The following NEGR1 variants were observed in gnomAD, a reference collection of about 807,000 sequenced individuals.
The protein encoded by NEGR1 is IgLON family member 4.
A neutral mutation model predicts 40.9 loss-of-function variants in NEGR1; 10 were observed. That is an observed-to-expected ratio of 0.24 (90% CI 0.15 to 0.42). The LOEUF (loss-of-function observed/expected upper bound fraction) is 0.42. NEGR1 is among the 10% of genes least tolerant of loss of function. The probability of loss-of-function intolerance (pLI) is 1.00; values close to 1 mark genes in which losing one functional copy is unlikely to be tolerated. For missense variants in NEGR1, 352 were observed against 438.9 expected (o/e 0.80, Z 1.77); for synonymous variants, 185 against 166.8 (o/e 1.11, Z -0.84).
chr1:72,229,597 A>G (rs1654295850), intron 1 of NEGR1, among the ~76,000 whole-genome samples: 1 of 151,014 alleles, frequency 6.6e-6, no homozygotes, highest in Non-Finnish European at 1.5e-5. Context: ...TATACTTAAA[A>G]TAATTGTTAA....
intron 6 of NEGR1, among the ~76,000 whole-genome samples, chr1:71,534,680 C>T (rs185239314): frequency 1.3e-5 from 2 of 151,718 alleles, no homozygotes; most frequent in East Asian, 3.9e-4. Context: ...GAGAATTATT[C>T]CATTTTCCAT....
chr1:72,023,929 G>A (rs1646782790), intron 1 of NEGR1, among the ~76,000 whole-genome samples: 2 of 152,100 alleles, frequency 1.3e-5, no homozygotes, highest in African/African-American at 4.8e-5. Context: ...TATAGACAGA[G>A]GCATAGTGAA....
At chr1:71,732,166 G>A (rs907472657) in intron 3 of NEGR1, among the ~76,000 whole-genome samples, 2 of 152,054 alleles carry the variant, frequency 1.3e-5, no homozygotes, top group African/African-American at 4.8e-5. Context: ...AAATTAGCTG[G>A]ACATGGTGGC....
At position 71,854,758 on chromosome 1, in the gene NEGR1, T is replaced by C. The variant is rs183994555; in HGVS notation, c.410-78461A>G. On this transcript the variant is annotated intron_variant, in intron 2 of 6. Transcript: ENST00000357731. The stretch of plus-strand genomic sequence containing the variant: ...TGAGCAAAGGGGGGAAAGTCCCTTA[T>C]AAAACCATTAGATCTTGTGAGAACT... 1.7e-3 allele frequency among the ~76,000 whole-genome samples: 262 copies of C among 152,128 alleles called. 2 individuals carry two copies. The highest frequency in any genetic ancestry group is 1.6e-3 in the Non-Finnish European group (108 of 67,992).
At chr1:71,694,871 C>G (rs1557616596) in intron 4 of NEGR1, among the ~76,000 whole-genome samples, 1 of 151,668 alleles carries the variant, frequency 6.6e-6, no homozygotes, top group African/African-American at 2.4e-5. Context: ...TCTATGCGCA[C>G]AATCAATATT....
intron 6 of NEGR1, among the ~76,000 whole-genome samples, chr1:71,568,400 G>T (rs2783050): frequency 0.017 from 2,637 of 152,248 alleles, 76 homozygotes; most frequent in African/African-American, 0.06. Flanking sequence ...AACAGGGAGA[G>T]AACTTGGGAA....
chr1:71,580,541 T>C (rs934175215), intron 6 of NEGR1, among the ~76,000 whole-genome samples: 1 of 152,056 alleles, frequency 6.6e-6, no homozygotes, highest in Non-Finnish European at 1.5e-5. Flanking sequence ...AGAGACAAAA[T>C]AAAATCCTAA....
intron 1 of NEGR1, among the ~76,000 whole-genome samples, chr1:72,104,765 T>C (rs1649071889): frequency 6.6e-6 from 1 of 152,152 alleles, no homozygotes; most frequent in African/African-American, 2.4e-5. Context: ...AAAACAACAA[T>C]ACTTTTTTGC....
chr1:72,042,386 G>A (rs574015473), intron 1 of NEGR1, among the ~76,000 whole-genome samples: 1 of 151,974 alleles, frequency 6.6e-6, no homozygotes, highest in South Asian at 2.1e-4. Flanking sequence ...ATGAGGGAAA[G>A]TCAGAAGAAT....
chr1:71,436,493 AC>A (rs1646510838), intron 6 of NEGR1, among the ~76,000 whole-genome samples: 1 of 152,174 alleles, frequency 6.6e-6, no homozygotes, highest in Admixed American at 6.5e-5. Flanking sequence ...TATAATATTA[AC>A]CCTTCCATGA....
intron 5 of NEGR1, among the ~76,000 whole-genome samples, chr1:71,599,617 G>C (rs980083263): frequency 1.3e-5 from 2 of 152,136 alleles, no homozygotes; most frequent in Non-Finnish European, 2.9e-5. Flanking sequence ...ATGCATCACT[G>C]TCTTAGCCCC....
intron 1 of NEGR1, among the ~76,000 whole-genome samples, chr1:72,196,079 G>C (rs180967547): frequency 1.3e-3 from 198 of 152,052 alleles, no homozygotes; most frequent in Non-Finnish European, 2.3e-3. Context: ...ACAATGAAAG[G>C]AGCGTATTGT....
intron 6 of NEGR1, among the ~76,000 whole-genome samples, chr1:71,431,506 A>ATAAT (rs1410792688): frequency 6.7e-6 from 1 of 149,746 alleles, no homozygotes; most frequent in African/African-American, 2.5e-5. Context: ...AAGAGGATCA[A>ATAAT]TATTTATTTA....
intron 1 of NEGR1, among the ~76,000 whole-genome samples, chr1:71,977,811 A>T (rs2100332268): frequency 7.1e-6 from 1 of 141,650 alleles, no homozygotes; most frequent in African/African-American, 2.8e-5. Context: ...AAAGAGACTA[A>T]AGCGCAAAAC....
At chr1:72,063,129 G>A (rs1647203517) in intron 1 of NEGR1, among the ~76,000 whole-genome samples, 1 of 151,826 alleles carries the variant, frequency 6.6e-6, no homozygotes, top group Non-Finnish European at 1.5e-5. Flanking sequence ...TGAAACTGTA[G>A]CAGTAAAAAT....
intron 2 of NEGR1, among the ~76,000 whole-genome samples, chr1:71,822,020 G>T (rs11209851): frequency 0.27 from 40,595 of 150,888 alleles, 5,860 homozygotes; most frequent in East Asian, 0.55. Flanking sequence ...TTCCAGAAGG[G>T]TTTTTTTTTG....
At chr1:71,802,413 T>C (rs1040132741) in intron 2 of NEGR1, among the ~76,000 whole-genome samples, 2 of 152,172 alleles carry the variant, frequency 1.3e-5, no homozygotes, top group East Asian at 1.9e-4. Context: ...GATCATGCTT[T>C]ATCCTACAAA....
At chr1:71,881,064 C>T (rs375534743) in intron 2 of NEGR1, among the ~76,000 whole-genome samples, 1 of 151,942 alleles carries the variant, frequency 6.6e-6, no homozygotes, top group East Asian at 1.9e-4. Context: ...TTGGTATCTC[C>T]CTCCCACTTT....
At chr1:71,685,149 T>A (rs1652987487) in intron 4 of NEGR1, among the ~76,000 whole-genome samples, 1 of 152,080 alleles carries the variant, frequency 6.6e-6, no homozygotes, top group African/African-American at 2.4e-5. Flanking sequence ...TACTTTTCGC[T>A]TTTTGTGCGT....
Sources: gnomAD v4.1 joint callset for allele counts (sites outside exome capture counted in the v4.1 genomes callset) on GRCh38, gnomAD v4.1.1 for gene constraint, MANE v1.5 for transcripts, NCBI Gene and HGNC (gene_info 2026-07-23, HGNC 2026-07-21) for gene names.